Variants in EYA4 observed in about 807,000 individuals in gnomAD.
EYA4 encodes EYA transcriptional coactivator and phosphatase 4, also known as protein phosphatase EYA4.
In EYA4, 31 loss-of-function variants were observed where a neutral mutation model predicts 87.9. The ratio of observed to expected loss-of-function variants is 0.35; its 90% CI spans 0.27 to 0.48. EYA4 has a LOEUF of 0.48. Ranked by LOEUF, EYA4 falls within the 20% of genes least tolerant of loss-of-function variation. EYA4 has a pLI of 0.99. For synonymous variants in EYA4, 263 were observed against 270.6 expected (o/e 0.97, Z 0.28); for missense variants, 678 against 761.4 (o/e 0.89, Z 1.29).
rs542230437 is a variant in EYA4, at chr6:133,530,549, G to A, written c.*1744G>A. 1.1e-3 allele frequency: 1,036 copies of A among 985,710 alleles called. 2 individuals are homozygous for A. Among genetic ancestry groups the A allele is most frequent in the Non-Finnish European group, 1.2e-3 (977 of 829,938 alleles). 61.1% of individuals were successfully genotyped at this position (985,710 alleles called of 1,614,324 possible). A position where few individuals can be genotyped will look rare whatever the true frequency, so the allele number is the denominator to read the frequency against. ...CCCCTAGCCAGAGGCTGGTTCATGA[G>A]TTCATCAACTGAGGCCTCTGTGGCT... On this transcript the variant is annotated 3_prime_UTR_variant, in exon 20 of 20. Transcript: ENST00000355286.
At chr6:133,508,046 G>A (rs1331893092) in intron 14 of EYA4, among the ~76,000 whole-genome samples, 1 of 152,000 alleles carries the variant, frequency 6.6e-6, no homozygotes, top group East Asian at 1.9e-4. Context: ...TCCAGTTTGA[G>A]TTATATTTGA....
At chr6:133,395,009 A>G (rs1023809895) in intron 3 of EYA4, among the ~76,000 whole-genome samples, 8 of 152,206 alleles carry the variant, frequency 5.3e-5, no homozygotes, top group Non-Finnish European at 1.2e-4. Flanking sequence ...AGAATTATTT[A>G]TATACAAAAT....
chr6:133,516,208 G>A (rs546894298), intron 17 of EYA4, among the ~76,000 whole-genome samples: 1 of 152,012 alleles, frequency 6.6e-6, no homozygotes, highest in African/African-American at 2.4e-5. Flanking sequence ...ACACATATAG[G>A]GAAACAACAG....
rs531485268 is a variant in EYA4, at chr6:133,492,413, T to TA, written c.1191+9306dup. ...GATAAAATTCAACATCCTTTGCTGA[T>TA]AAAAAAAATCTTCAAAAAACTGGGT... On this transcript the variant is annotated intron_variant, in intron 13 of 19. Coordinates refer to ENST00000355286, the MANE Select transcript of EYA4 (RefSeq NM_004100.5). Among the ~76,000 whole-genome samples, 454 of 151,240 alleles carry TA rather than the reference T, an allele frequency of 3.0e-3. 2 individuals carry two copies. The highest frequency in any genetic ancestry group is 0.01 in the African/African-American group (426 of 41,238).
At chr6:133,257,710 A>G (rs1775450407) in intron 1 of EYA4, among the ~76,000 whole-genome samples, 1 of 152,188 alleles carries the variant, frequency 6.6e-6, no homozygotes, top group Non-Finnish European at 1.5e-5. Context: ...GGTTTTCCCA[A>G]AGCTATACAC....
chr6:133,524,865 C>T, intron 18 of EYA4: 1 of 753,346 alleles, frequency 1.3e-6, no homozygotes, highest in Non-Finnish European at 2.4e-6. Flanking sequence ...GAAGTAACGC[C>T]TTACCTTATT....
At chr6:133,430,524 T>C (rs1791093074) in intron 3 of EYA4, among the ~76,000 whole-genome samples, 1 of 152,196 alleles carries the variant, frequency 6.6e-6, no homozygotes, top group Non-Finnish European at 1.5e-5. Flanking sequence ...ACTTTTCATA[T>C]TTAAGGATGA....
intron 1 of EYA4, chr6:133,248,685 A>G (rs546020637): frequency 2.5e-4 from 38 of 152,290 alleles, no homozygotes; most frequent in African/African-American, 9.1e-4. Flanking sequence ...TTTGAATGCA[A>G]ATGTATATTC....
chr6:133,373,196 T>C (rs1329470550), intron 2 of EYA4, among the ~76,000 whole-genome samples: 4 of 152,030 alleles, frequency 2.6e-5, no homozygotes, highest in Non-Finnish European at 5.9e-5. Context: ...CCAAATTCTT[T>C]TGAAGTTTAA....
chr6:133,465,571 G>T (rs1315881015), intron 10 of EYA4, among the ~76,000 whole-genome samples: 1 of 152,094 alleles, frequency 6.6e-6, no homozygotes, highest in Middle Eastern at 3.2e-3. Context: ...CTCGGAGTGA[G>T]ATGAATTCGT....
intron 1 of EYA4, among the ~76,000 whole-genome samples, chr6:133,250,740 A>G (rs1375114567): frequency 3.3e-5 from 5 of 152,246 alleles, no homozygotes; most frequent in African/African-American, 7.2e-5. Flanking sequence ...CATCAAACAC[A>G]TTACTGAAAC....
At chr6:133,247,254 T>C (rs1187016953) in intron 1 of EYA4, 6 of 152,132 alleles carry the variant, frequency 3.9e-5, no homozygotes, top group Non-Finnish European at 2.9e-5. Flanking sequence ...TTTGGAGAAA[T>C]GCTGTATTTT....
intron 16 of EYA4, among the ~76,000 whole-genome samples, chr6:133,513,836 G>T (rs1583523298): frequency 6.6e-6 from 1 of 151,988 alleles, no homozygotes; most frequent in Admixed American, 6.6e-5. Context: ...TTTCTAAAAA[G>T]GAAGAGTAAT....
At chr6:133,428,911 CTTTT>C (rs58727159) in intron 3 of EYA4, among the ~76,000 whole-genome samples, 24 of 48,224 alleles carry the variant, frequency 5.0e-4, no homozygotes, top group African/African-American at 1.1e-3. Context: ...GATTTAGCTT[CTTTT>C]TTTTTTTTTT....
At chr6:133,242,481 G>A (rs1399484930) in intron 1 of EYA4, among the ~76,000 whole-genome samples, 1 of 152,204 alleles carries the variant, frequency 6.6e-6, no homozygotes, top group African/African-American at 2.4e-5. Context: ...TTCTCCAAAG[G>A]AAGGGACCTG....
intron 3 of EYA4, among the ~76,000 whole-genome samples, chr6:133,391,222 G>GGTTTTTTTTTTT (rs1554246225): frequency 3.3e-5 from 3 of 89,830 alleles, no homozygotes; most frequent in African/African-American, 9.9e-5. Flanking sequence ...TTTTGTTTTT[G>GGTTTTTTTTTTT]TTTTTTTTTT....
At chr6:133,493,847 A>C (rs1260043277) in intron 13 of EYA4, among the ~76,000 whole-genome samples, 1 of 152,232 alleles carries the variant, frequency 6.6e-6, no homozygotes, top group Non-Finnish European at 1.5e-5. Flanking sequence ...TGTTCCCATC[A>C]TTGATCATCA....
chr6:133,481,513 G>A lies in EYA4; in HGVS notation c.1021G>A (p.Glu341Lys). The change falls in exon 12 of 20, where the codon GAG becomes AAG. Residue 341 changes from glutamate to lysine, a missense_variant. Physicochemically the swap from Glu to Lys is moderately conservative, Grantham distance 56. Coordinates refer to ENST00000355286, the MANE Select transcript of EYA4 (RefSeq NM_004100.5). Reference sequence around the variant, plus strand: ...CTCCACACCCATCAAAGATCTTGATGAGAGAACCTGTAGGAGTTCTGGGTC... The same window carrying A: ...CTCCACACCCATCAAAGATCTTGATAAGAGAACCTGTAGGAGTTCTGGGTC... ...SPSTPIKDLD[E>K]RTCRSSGSKS... 3.1e-6 allele frequency: 5 copies of A among 1,613,884 alleles called. No individual in the cohort carries two copies. The highest frequency in any genetic ancestry group is 4.2e-6 in the Non-Finnish European group (5 of 1,179,844).
chr6:133,307,602 T>G (rs1779905684), intron 2 of EYA4, among the ~76,000 whole-genome samples: 1 of 152,184 alleles, frequency 6.6e-6, no homozygotes, highest in African/African-American at 2.4e-5. Flanking sequence ...TGAGTGTTTT[T>G]CTTTCAGGAA....
Sources: gnomAD v4.1 joint callset for allele counts (sites outside exome capture counted in the v4.1 genomes callset) on GRCh38, gnomAD v4.1.1 for gene constraint, MANE v1.5 for transcripts, NCBI Gene and HGNC (gene_info 2026-07-23, HGNC 2026-07-21) for gene names.